MAST4: variants seen among roughly 807,000 people sequenced by gnomAD.
MAST4 encodes microtubule associated serine/threonine kinase family member 4, also known as microtubule-associated serine/threonine-protein kinase 4.
A neutral mutation model predicts 162.7 loss-of-function variants in MAST4; 89 were observed. The ratio of observed to expected loss-of-function variants is 0.55; its 90% CI spans 0.46 to 0.65. The LOEUF (loss-of-function observed/expected upper bound fraction) is 0.65, where lower values mean the gene tolerates loss of function less well. Ranked by LOEUF, MAST4 falls within the 30% of genes least tolerant of loss-of-function variation. The pLI, the probability that MAST4 is intolerant of heterozygous loss-of-function variation, is 0.00. For synonymous variants in MAST4, 1,479 were observed against 1,361.1 expected, an observed-to-expected ratio of 1.09 and a Z score of -1.91; for missense variants, 3,153 against 3,374.0, an observed-to-expected ratio of 0.93 and a Z score of 1.62.
rs147614141 is a variant in MAST4 at position 66,698,336 on chromosome 5, C to A, written c.364-61373C>A. Among the ~76,000 whole-genome samples, 942 of 152,050 alleles carry A rather than the reference C, an allele frequency of 6.2e-3. 1 individual carries two copies. The highest frequency in any genetic ancestry group is 0.013 in the South Asian group (63 of 4,810). ...TCCCTCCTCCTCTCCTTGTCTCAACCCTACTCTCAGCTGTCTTACCCACCC... is the reference window on the plus strand; with the variant it reads ...TCCCTCCTCCTCTCCTTGTCTCAACACTACTCTCAGCTGTCTTACCCACCC... On this transcript the variant is annotated intron_variant, in intron 1 of 28. Coordinates refer to ENST00000403625, the MANE Select transcript of MAST4 (RefSeq NM_001164664.2).
chr5:66,788,120 A>G (rs1755203391), intron 2 of MAST4, among the ~76,000 whole-genome samples: 1 of 152,214 alleles, frequency 6.6e-6, no homozygotes. Flanking sequence ...ATGCAAATGG[A>G]TATGATTATG....
At chr5:66,685,929 A>G (rs1580193467) in intron 1 of MAST4, among the ~76,000 whole-genome samples, 1 of 152,122 alleles carries the variant, frequency 6.6e-6, no homozygotes, top group South Asian at 2.1e-4. Context: ...ACCTCAGATC[A>G]TTAGGCATTA....
intron 4 of MAST4, among the ~76,000 whole-genome samples, chr5:66,927,621 ACAGAGAGTAGG>A (rs1764996617): frequency 6.6e-6 from 1 of 152,276 alleles, no homozygotes; most frequent in Middle Eastern, 3.4e-3. Context: ...CTTGGTGGAG[ACAGAGAGTAGG>A]CAGAGAGTCA....
intron 4 of MAST4, chr5:67,001,776 A>T (rs1751325386): frequency 6.6e-6 from 1 of 152,316 alleles, no homozygotes; most frequent in East Asian, 1.9e-4. Flanking sequence ...TGTTCTACTC[A>T]CTGTATCTCC....
chr5:66,987,247 C>T (rs532547185), intron 4 of MAST4, among the ~76,000 whole-genome samples: 14 of 151,926 alleles, frequency 9.2e-5, no homozygotes, highest in Admixed American at 2.6e-4. Flanking sequence ...ACTTTACAGA[C>T]GAAAAAGGAG....
chr5:66,780,615 G>A (rs147985316), intron 2 of MAST4, among the ~76,000 whole-genome samples: 1 of 152,200 alleles, frequency 6.6e-6, no homozygotes, highest in East Asian at 1.9e-4. Context: ...AGTGTGAAAA[G>A]GGACCCAAGC....
At chr5:66,671,993 C>T (rs1747640740) in intron 1 of MAST4, among the ~76,000 whole-genome samples, 1 of 152,184 alleles carries the variant, frequency 6.6e-6, no homozygotes, top group South Asian at 2.1e-4. Context: ...ATTTTTAGCT[C>T]AGAAACCCAC....
At chr5:66,928,289 T>C (rs1765053993) in intron 4 of MAST4, among the ~76,000 whole-genome samples, 1 of 152,204 alleles carries the variant, frequency 6.6e-6, no homozygotes, top group Non-Finnish European at 1.5e-5. Flanking sequence ...TGTCTCCTCT[T>C]TTCTTACTGA....
At chr5:66,883,996 C>G (rs1761880714) in intron 3 of MAST4, among the ~76,000 whole-genome samples, 1 of 152,142 alleles carries the variant, frequency 6.6e-6, no homozygotes, top group South Asian at 2.1e-4. Flanking sequence ...CATCGTAGCA[C>G]AATTCAAGAC....
chr5:66,923,282 C>G (rs1199863661), intron 4 of MAST4, among the ~76,000 whole-genome samples: 1 of 152,164 alleles, frequency 6.6e-6, no homozygotes, highest in Non-Finnish European at 1.5e-5. Flanking sequence ...AAAAGAAACG[C>G]TGGGTATTTA....
intron 3 of MAST4, among the ~76,000 whole-genome samples, chr5:66,872,642 G>C (rs1761023791): frequency 6.6e-6 from 1 of 152,142 alleles, no homozygotes; most frequent in Non-Finnish European, 1.5e-5. Flanking sequence ...AGTCCCGGGA[G>C]TTCTGTTGGT....
chr5:67,148,513 C>T (rs1771379366), intron 23 of MAST4, among the ~76,000 whole-genome samples: 1 of 152,302 alleles, frequency 6.6e-6, no homozygotes, highest in East Asian at 1.9e-4. Flanking sequence ...CTGCACCCCC[C>T]TCCATATTTA....
chr5:66,646,364 T>C (rs906918392), intron 1 of MAST4, among the ~76,000 whole-genome samples: 2 of 152,086 alleles, frequency 1.3e-5, no homozygotes, highest in African/African-American at 2.4e-5. Context: ...CATAGCAACA[T>C]ATATCTTAAA....
chr5:66,684,531 A>G (rs1416467756), intron 1 of MAST4, among the ~76,000 whole-genome samples: 1 of 152,206 alleles, frequency 6.6e-6, no homozygotes, highest in Non-Finnish European at 1.5e-5. Flanking sequence ...ATTTATGTAT[A>G]TATGCATTGT....
At chr5:66,913,182 G>A (rs1233611257) in intron 4 of MAST4, among the ~76,000 whole-genome samples, 1 of 152,116 alleles carries the variant, frequency 6.6e-6, no homozygotes, top group Non-Finnish European at 1.5e-5. Context: ...TTCATAAGTT[G>A]ATATGTGTAT....
intron 2 of MAST4, among the ~76,000 whole-genome samples, chr5:66,774,001 G>A (rs1754472551): frequency 6.6e-6 from 1 of 152,176 alleles, no homozygotes. Flanking sequence ...GACATACATG[G>A]ACATTTATGT....
At chr5:66,682,564 C>G (rs1268452266) in intron 1 of MAST4, among the ~76,000 whole-genome samples, 1 of 152,156 alleles carries the variant, frequency 6.6e-6, no homozygotes, top group Non-Finnish European at 1.5e-5. Context: ...TAAGGACTAT[C>G]CTTAGAACTG....
chr5:66,932,951 A>C (rs1338997374), intron 4 of MAST4, among the ~76,000 whole-genome samples: 1 of 152,182 alleles, frequency 6.6e-6, no homozygotes, highest in African/African-American at 2.4e-5. Flanking sequence ...TTTGGCATCT[A>C]GTAAACATAG....
intron 3 of MAST4, among the ~76,000 whole-genome samples, chr5:66,825,317 C>A (rs1757194743): frequency 6.9e-6 from 1 of 144,094 alleles, no homozygotes; most frequent in African/African-American, 2.6e-5. Flanking sequence ...CACACACAGG[C>A]CTAGTCCTAC....
Sources: allele counts gnomAD v4.1 joint callset (sites outside exome capture counted in the v4.1 genomes callset), GRCh38; gene constraint gnomAD v4.1.1; transcripts MANE v1.5; gene names NCBI Gene and HGNC (gene_info 2026-07-23, HGNC 2026-07-21).